The following PAX5 variants were observed in gnomAD, a reference collection of about 807,000 sequenced individuals.
The protein encoded by PAX5 is paired box 5, also known as paired box protein Pax-5.
In PAX5, 9 loss-of-function variants were observed where a neutral mutation model predicts 43.7. The ratio of observed to expected loss-of-function variants is 0.21; its 90% CI spans 0.12 to 0.36. PAX5 has a LOEUF of 0.36. PAX5 is among the 10% of genes least tolerant of loss of function. The pLI, the probability that PAX5 is intolerant of heterozygous loss-of-function variation, is 1.00. For synonymous variants in PAX5, 228 were observed against 214.3 expected (o/e 1.06, Z -0.56); for missense variants, 383 against 532.7 (o/e 0.72, Z 2.77).
intron 5 of PAX5, among the ~76,000 whole-genome samples, chr9:37,001,573 G>A (rs1196067191): frequency 2.6e-5 from 4 of 152,128 alleles, no homozygotes; most frequent in African/African-American, 7.2e-5. Flanking sequence ...ACACCCCCAC[G>A]GTTCCAAACC....
chr9:37,015,187 C>T lies in PAX5; in HGVS notation c.220G>A (p.Glu74Lys). 6.2e-7 allele frequency: 1 copy of T among 1,613,922 alleles called. No individual in the cohort carries two copies. The highest frequency in any genetic ancestry group is 8.5e-7 in the Non-Finnish European group (1 of 1,179,832). ...ACCCCAGGCTTGATGCTTCCTGTCTCATAATACCTAGGACCCAAAGAGAAA... is the reference window on the plus strand; with the variant it reads ...ACCCCAGGCTTGATGCTTCCTGTCTTATAATACCTAGGACCCAAAGAGAAA... ...CVSKILGRYY[E>K]TGSIKPGVIG... Residue 74 changes from glutamate to lysine, a missense_variant, in exon 3 of 10, where the codon GAG (glutamate) becomes AAG (lysine). By Grantham distance (56) the Glu-to-Lys change is moderately conservative (BLOSUM62 1). This residue lies in a region of PAX5 where 4 missense variants were observed against 31.6 expected (regional missense o/e 0.13). Transcript: ENST00000358127. The surrounding 1 kb of genome is among the most constrained non-coding windows in gnomAD (Gnocchi z 4.4).
At chr9:36,848,333 C>T (rs922923316) in intron 8 of PAX5, among the ~76,000 whole-genome samples, 2 of 130,458 alleles carry the variant, frequency 1.5e-5, no homozygotes, top group African/African-American at 5.5e-5. Context: ...CACCTCACAA[C>T]CACAGGCAGA....
Position 37,015,287 on chromosome 9 carries a change from C to A in PAX5, c.213-93G>T. ...CGGGCTACTCTGGCCAGGAAACGTCCGGATCTGCACGTTCCAATACAGTAG... is the reference window on the plus strand; with the variant it reads ...CGGGCTACTCTGGCCAGGAAACGTCAGGATCTGCACGTTCCAATACAGTAG... On this transcript the variant is annotated intron_variant, in intron 2 of 9. Coordinates refer to ENST00000358127, the MANE Select transcript of PAX5 (RefSeq NM_016734.3). This position sits in a 1 kb window ranked among gnomAD's most constrained non-coding sequence, Gnocchi z 4.4. 2.8e-6 allele frequency: 3 copies of A among 1,065,548 alleles called. No homozygotes were observed. The highest frequency in any genetic ancestry group is 1.9e-5 in the Admixed American group (1 of 53,722). The allele number at this position is 1,065,548 out of a possible 1,614,324, so 66.0% of individuals were successfully genotyped here.
At chr9:36,960,969 C>T (rs1200102237) in intron 6 of PAX5, among the ~76,000 whole-genome samples, 1 of 152,212 alleles carries the variant, frequency 6.6e-6, no homozygotes, top group African/African-American at 2.4e-5. Context: ...TCTTTCTCAG[C>T]CTGGCCCACC....
At chr9:36,990,024 A>G (rs1836792096) in intron 5 of PAX5, among the ~76,000 whole-genome samples, 1 of 152,170 alleles carries the variant, frequency 6.6e-6, no homozygotes, top group East Asian at 1.9e-4. Flanking sequence ...GGAGGGGAGC[A>G]TCTGAGAAGC....
chr9:36,833,601 A>C lies in PAX5; in HGVS notation c.*6959T>G, dbSNP rs1821430761. On this transcript the variant is annotated 3_prime_UTR_variant, in exon 10 of 10. Coordinates refer to ENST00000358127, the MANE Select transcript of PAX5 (RefSeq NM_016734.3). The stretch of plus-strand genomic sequence containing the variant: ...CACCCCTAGCCCTGCCCTCCTCCCC[A>C]AAAAAGAAAAATATGTCCAACATCT... 1 of 232,592 alleles carries C rather than the reference A, an allele frequency of 4.3e-6. No homozygotes were observed. The highest frequency in any genetic ancestry group is 5.6e-5 in the Admixed American group (1 of 17,742). 14.4% of individuals were successfully genotyped at this position (232,592 alleles called of 1,614,324 possible).
intron 6 of PAX5, among the ~76,000 whole-genome samples, chr9:36,961,060 A>G: frequency 6.6e-6 from 1 of 152,188 alleles, no homozygotes; most frequent in East Asian, 1.9e-4. Flanking sequence ...AGCTCTCTGA[A>G]GAAAAAAACC....
At chr9:36,958,727 C>T (rs970877102) in intron 6 of PAX5, among the ~76,000 whole-genome samples, 19 of 98,798 alleles carry the variant, frequency 1.9e-4, no homozygotes, top group African/African-American at 4.3e-4. Context: ...TAAAATCTCA[C>T]AGAGGCCTCT....
rs149582137 is a variant in PAX5, at chr9:37,034,258, A to T, written c.-227T>A. On this transcript the variant is annotated 5_prime_UTR_variant, in exon 1 of 10. Coordinates refer to ENST00000358127, the MANE Select transcript of PAX5 (RefSeq NM_016734.3). Reference sequence around the variant, plus strand: ...AAGCGTCCGAAGGCACCGTGAAATGATTAAGGAACTAAAGAGCTTCTCGCC... The same window carrying T: ...AAGCGTCCGAAGGCACCGTGAAATGTTTAAGGAACTAAAGAGCTTCTCGCC... 1.0e-4 allele frequency: 54 copies of T among 540,704 alleles called. No individual in the cohort carries two copies. The East Asian group carries it at 1.6e-3, about 16-fold the overall frequency. The allele number at this position is 540,704 out of a possible 1,614,324, so 33.5% of individuals were successfully genotyped here. A position where few individuals can be genotyped will look rare whatever the true frequency, so the allele number is the denominator to read the frequency against.
At chr9:36,902,414 G>T (rs1828483614) in intron 7 of PAX5, among the ~76,000 whole-genome samples, 1 of 152,350 alleles carries the variant, frequency 6.6e-6, no homozygotes, top group South Asian at 2.1e-4. Context: ...CCTCAAAAAG[G>T]GAGGAGGAAG....
chr9:36,863,929 T>A (rs142583150), intron 8 of PAX5, among the ~76,000 whole-genome samples: 1 of 152,116 alleles, frequency 6.6e-6, no homozygotes, highest in Admixed American at 6.5e-5. Flanking sequence ...GCCAACATGG[T>A]GAAACCCCGT....
At chr9:36,861,262 A>C (rs988147365) in intron 8 of PAX5, 3 of 151,396 alleles carry the variant, frequency 2.0e-5, no homozygotes, top group African/African-American at 7.3e-5. Flanking sequence ...TACCAGGCCC[A>C]CTGCAGACAG....
intron 6 of PAX5, among the ~76,000 whole-genome samples, chr9:36,949,773 G>A (rs1364451564): frequency 6.6e-6 from 1 of 152,160 alleles, no homozygotes; most frequent in Non-Finnish European, 1.5e-5. Context: ...CAGGCATGGG[G>A]TCTGCAAAAT....
At position 36,835,872 on chromosome 9, in the gene PAX5, C is replaced by T. The variant is rs540269108; in HGVS notation, c.*4688G>A. ...CATGCCTGCCTGGGCCTGGCCTGGC[C>T]GTGGGGCAGGAGTTGGTTTCCACCC... On this transcript the variant is annotated 3_prime_UTR_variant, in exon 10 of 10. Transcript: ENST00000358127. 8 of 233,498 alleles carry T rather than the reference C, an allele frequency of 3.4e-5. No individual in the cohort carries two copies. The highest frequency in any genetic ancestry group is 1.3e-3 in the Middle Eastern group (1 of 786). The allele number at this position is 233,498 out of a possible 1,614,324, so 14.5% of individuals were successfully genotyped here.
intron 5 of PAX5, among the ~76,000 whole-genome samples, chr9:36,968,905 A>G (rs916521708): frequency 6.6e-6 from 1 of 152,120 alleles, no homozygotes; most frequent in Non-Finnish European, 1.5e-5. Flanking sequence ...CAAAGGTTCT[A>G]TGCACACACA....
chr9:36,874,283 T>C (rs1825731316), intron 8 of PAX5, among the ~76,000 whole-genome samples: 1 of 152,198 alleles, frequency 6.6e-6, no homozygotes, highest in Admixed American at 6.5e-5. Flanking sequence ...TTCGCTTCTC[T>C]TGGGGCATCT....
intron 5 of PAX5, among the ~76,000 whole-genome samples, chr9:36,975,385 TC>T: frequency 6.7e-6 from 1 of 149,992 alleles, no homozygotes; most frequent in African/African-American, 2.5e-5. Context: ...TTGAGCAATT[TC>T]TTTTTTTTTT....
intron 7 of PAX5, among the ~76,000 whole-genome samples, chr9:36,907,325 G>T (rs1014219502): frequency 2.0e-5 from 3 of 152,224 alleles, no homozygotes; most frequent in Non-Finnish European, 4.4e-5. Flanking sequence ...CTGCTCAGAA[G>T]TGCTTCTTCT....
chr9:36,923,287 C>G, intron 7 of PAX5, 68 bp downstream of exon 7: 1 of 1,545,524 alleles, frequency 6.5e-7, no homozygotes, highest in Admixed American at 1.8e-5. Context: ...AGAAGCCACT[C>G]TTCCCACCAC....
Sources: gnomAD v4.1 joint callset for allele counts (sites outside exome capture counted in the v4.1 genomes callset) on GRCh38, gnomAD v4.1.1 for gene constraint, gnomAD v4.1.1 regional missense constraint, Gnocchi (gnomAD v3.1) non-coding constraint, MANE v1.5 for transcripts, NCBI Gene and HGNC (gene_info 2026-07-23, HGNC 2026-07-21) for gene names.